KANK4: variants seen among roughly 807,000 people sequenced by gnomAD.
KANK4 encodes the protein KN motif and ankyrin repeat domain-containing protein 4.
Under a neutral mutation model 80.8 loss-of-function variants are expected in KANK4, and 50 were observed. That is an observed-to-expected ratio of 0.62 (90% CI 0.49 to 0.78). The LOEUF is 0.78. Among genes scored for constraint, KANK4 ranks in the 30% least tolerant of loss-of-function variants. The probability of loss-of-function intolerance (pLI) is 0.00; values close to 1 mark genes in which losing one functional copy is unlikely to be tolerated. For missense variants in KANK4, 1,196 were observed against 1,240.1 expected (o/e 0.96, Z 0.53); for synonymous variants, 465 against 506.9 (o/e 0.92, Z 1.11).
At chr1:62,311,712 A>G (rs1644499794) in intron 1 of KANK4, among the ~76,000 whole-genome samples, 1 of 152,188 alleles carries the variant, frequency 6.6e-6, no homozygotes, top group Non-Finnish European at 1.5e-5. Context: ...GGGATTAACC[A>G]AGCAATCAGC....
Position 62,236,567 on chromosome 1 carries a change from G to T in KANK4, c.*1710C>A, listed in dbSNP as rs1428961726. Among the ~76,000 whole-genome samples, 2 of 150,496 alleles carry T rather than the reference G, an allele frequency of 1.3e-5. No homozygotes were observed. Among genetic ancestry groups the T allele is most frequent in the Non-Finnish European group, 2.9e-5 (2 of 67,846 alleles). The stretch of plus-strand genomic sequence containing the variant: ...AGAAGTTTGCTGTACCATTGCTGTA[G>T]ATGGCCTTAATGGGTTACAAATTGG... On this transcript the variant is annotated 3_prime_UTR_variant, in exon 10 of 10. Transcript: ENST00000371153.
intron 2 of KANK4, among the ~76,000 whole-genome samples, chr1:62,276,639 T>G (rs1672321579): frequency 6.6e-6 from 1 of 152,042 alleles, no homozygotes; most frequent in Admixed American, 6.5e-5. Flanking sequence ...TAGCCGGGCA[T>G]GGTGGCAGGC....
intron 6 of KANK4, 172 bp from the exon 7 acceptor site, chr1:62,263,483 T>G: frequency 1.6e-6 from 1 of 637,374 alleles, no homozygotes; most frequent in Non-Finnish European, 2.7e-6. Context: ...GCAACATACT[T>G]TGTACTTGTG....
rs960230512 is a variant in KANK4, at chr1:62,237,399, G to A, written c.*878C>T. The A allele has an allele frequency of 6.6e-6, 1 of 152,202 alleles. No homozygotes were observed. Among genetic ancestry groups the A allele is most frequent in the Admixed American group, 6.5e-5 (1 of 15,284 alleles). 9.4% of individuals were successfully genotyped at this position (152,202 alleles called of 1,614,324 possible). On this transcript the variant is annotated 3_prime_UTR_variant, in exon 10 of 10. Transcript: ENST00000371153. Reference sequence around the variant, plus strand: ...ACCATGAGGTAATGGATACGGCTATGCAGGTGGCTTCTTGATGACAATAAC... The same window carrying A: ...ACCATGAGGTAATGGATACGGCTATACAGGTGGCTTCTTGATGACAATAAC...
At chr1:62,243,337 G>A (rs1466071283) in intron 9 of KANK4, among the ~76,000 whole-genome samples, 3 of 121,684 alleles carry the variant, frequency 2.5e-5, no homozygotes, top group East Asian at 4.0e-4. Context: ...TTTTGGACCA[G>A]ATAATTTTTT....
intron 7 of KANK4, among the ~76,000 whole-genome samples, chr1:62,259,155 T>C (rs1022462975): frequency 2.0e-5 from 3 of 152,136 alleles, no homozygotes; most frequent in Admixed American, 6.5e-5. Context: ...GGGAAAGCCG[T>C]TGGATCCTAA....
chr1:62,246,123 T>C (rs1410167943), intron 9 of KANK4, among the ~76,000 whole-genome samples: 2 of 152,162 alleles, frequency 1.3e-5, no homozygotes, highest in Admixed American at 1.3e-4. Context: ...AATGAGATGG[T>C]CCATGGCAAA....
Position 62,253,149 on chromosome 1 carries a change from A to G in KANK4, c.2600T>C (p.Leu867Ser), listed in dbSNP as rs749881567. The G allele has an allele frequency of 1.3e-5, 21 of 1,613,738 alleles. No individual in the cohort carries two copies. In the South Asian group the frequency reaches 2.2e-4, roughly 17 times the overall value. The change falls in exon 8 of 10, where the codon TTG becomes TCG. Residue 867 changes from leucine (L) to serine (S), a missense_variant. Physicochemically the swap from Leu to Ser is moderately radical, Grantham distance 145 (BLOSUM62 -2). This residue lies in a region of KANK4 where 1,154 missense variants were observed against 1,179.6 expected (regional missense o/e 0.98). Transcript: ENST00000371153. ...AGYTAVMITP[L>S]ASAETNEDMA... The stretch of plus-strand genomic sequence containing the variant: ...GTCTTCATTGGTCTCTGCGGAAGCC[A>G]AGGGAGTGATCATTACGGCAGTGTA...
rs201211050 is a variant in KANK4 at position 62,274,166 on chromosome 1, G to A, written c.938C>T (p.Pro313Leu). The change falls in exon 3 of 10, where the codon CCG (proline) becomes CTG (leucine). Residue 313 changes from proline (P) to leucine (L), a missense_variant. Coordinates refer to ENST00000371153, the MANE Select transcript of KANK4 (RefSeq NM_181712.5). The part of the protein sequence containing the change: ...IELNISEIPP[P>L]PPVEVDMRSI... ...TCTCATGTCCACCTCTACAGGTGGC[G>A]GGGGTGGAATCTCGCTGATGTTGAG... 3.5e-5 allele frequency: 57 copies of A among 1,614,194 alleles called. No homozygotes were observed. In the East Asian group the frequency reaches 9.6e-4, roughly 27 times the overall value.
At chr1:62,304,796 T>C (rs1410541965) in intron 1 of KANK4, among the ~76,000 whole-genome samples, 1 of 151,946 alleles carries the variant, frequency 6.6e-6, no homozygotes, top group Non-Finnish European at 1.5e-5. Context: ...CCGGCATGGC[T>C]TGTGAGCCAG....
rs933431108 is a variant in KANK4, at chr1:62,313,830, A to G, written c.-71+5276T>C. Among the ~76,000 whole-genome samples the G allele has an allele frequency of 5.9e-5, 9 of 152,128 alleles. 1 individual carries two copies. Among genetic ancestry groups the G allele is most frequent in the Admixed American group, 5.2e-4 (8 of 15,288 alleles). ...ATGTATACCTACGTAACAAACCTGC[A>G]CGTTCTGCACATGTATCCCCAAGCT... On this transcript the variant is annotated intron_variant, in intron 1 of 9. Coordinates refer to ENST00000371153, the MANE Select transcript of KANK4 (RefSeq NM_181712.5).
In KANK4 at chr1:62,237,745, T is replaced by G. The variant is rs1671239741; in HGVS notation, c.*532A>C. 1 of 152,602 alleles carries G rather than the reference T, an allele frequency of 6.6e-6. No homozygotes were observed. The highest frequency in any genetic ancestry group is 6.5e-5 in the Admixed American group (1 of 15,276). The allele number at this position is 152,602 out of a possible 1,614,324, so 9.5% of individuals were successfully genotyped here. On this transcript the variant is annotated 3_prime_UTR_variant, in exon 10 of 10. Coordinates refer to ENST00000371153, the MANE Select transcript of KANK4 (RefSeq NM_181712.5). ...AGCTCCCAAATGGTGCTTGTTCAGTTTCACCAGTCTGCACGGTGATTCTTC... is the reference window on the plus strand; with the variant it reads ...AGCTCCCAAATGGTGCTTGTTCAGTGTCACCAGTCTGCACGGTGATTCTTC...
At chr1:62,309,864 G>A (rs972733284) in intron 1 of KANK4, among the ~76,000 whole-genome samples, 10 of 152,162 alleles carry the variant, frequency 6.6e-5, no homozygotes, top group African/African-American at 9.7e-5. Flanking sequence ...GTTCAAAAGC[G>A]GGGAATTTCT....
intron 6 of KANK4, among the ~76,000 whole-genome samples, chr1:62,264,342 G>A (rs1162792004): frequency 2.0e-5 from 3 of 152,122 alleles, no homozygotes; most frequent in East Asian, 3.9e-4. Flanking sequence ...GCTTGAACCC[G>A]GGAGGTGGAG....
intron 1 of KANK4, chr1:62,298,211 C>A (rs1644383399): frequency 6.6e-6 from 1 of 152,180 alleles, no homozygotes; most frequent in African/African-American, 2.4e-5. Context: ...TGCTGATCGT[C>A]TCTGTATCAT....
Position 62,274,781 on chromosome 1 carries a change from T to C in KANK4, c.323A>G (p.Gln108Arg), listed in dbSNP as rs775016068. ...GGGGGCATTACCAAGCGGTGGTGACTGGTTTTGCTCCTGTGTCCCAAGTGA... is the reference window on the plus strand; with the variant it reads ...GGGGGCATTACCAAGCGGTGGTGACCGGTTTTGCTCCTGTGTCCCAAGTGA... Reference protein sequence around the residue: ...EASLGTQEQNQSPPLGNAPQA... With the variant: ...EASLGTQEQNRSPPLGNAPQA... Residue 108 changes from glutamine to arginine, a missense_variant, in exon 3 of 10, where the codon CAG (glutamine) becomes CGG (arginine). By Grantham distance (43) the Gln-to-Arg change is conservative. This residue lies in a region of KANK4 where 1,154 missense variants were observed against 1,179.6 expected (regional missense o/e 0.98). Transcript: ENST00000371153. 6.2e-7 allele frequency: 1 copy of C among 1,614,048 alleles called. No homozygotes were observed. Among genetic ancestry groups the C allele is most frequent in the East Asian group, 2.2e-5 (1 of 44,846 alleles).
chr1:62,273,497 T>G lies in KANK4; in HGVS notation c.1607A>C (p.Glu536Ala), dbSNP rs758125294. 3 of 1,613,784 alleles carry G rather than the reference T, an allele frequency of 1.9e-6. No homozygotes were observed. The highest frequency in any genetic ancestry group is 1.7e-6 in the Non-Finnish European group (2 of 1,179,868). The change falls in exon 3 of 10, where the codon GAG (glutamate) becomes GCG (alanine). Residue 536 changes from glutamate (E) to alanine (A), a missense_variant. This residue lies in a region of KANK4 where 1,154 missense variants were observed against 1,179.6 expected (regional missense o/e 0.98). Transcript: ENST00000371153. Reference sequence around the variant, plus strand: ...CCCTGGGAGATTGGAACTGGTCTCCTCCCTCCCTGCTGGGGGAGTCTTTCT... The same window carrying G: ...CCCTGGGAGATTGGAACTGGTCTCCGCCCTCCCTGCTGGGGGAGTCTTTCT... ...SDRKTPPAGR[E>A]ETSSNLPGKE...
rs1672229608 is a variant in KANK4, at chr1:62,273,757, T to C, written c.1347A>G (p.Gly449=). 8.1e-6 allele frequency: 13 copies of C among 1,614,066 alleles called. No homozygotes were observed. Among genetic ancestry groups the C allele is most frequent in the Non-Finnish European group, 1.1e-5 (13 of 1,180,006 alleles). The change falls in exon 3 of 10, where the codon GGA becomes GGG. Residue 449 remains glycine (G), a synonymous_variant. Transcript: ENST00000371153. ...SMESESWGHR[G]EENGLLWGPD... ...GCCCCCATAGGAGGCCATTCTCCTC[T>C]CCTCGGTGCCCCCAGCTTTCAGACT...
intron 1 of KANK4, among the ~76,000 whole-genome samples, chr1:62,304,229 A>G (rs1644434151): frequency 6.6e-6 from 1 of 152,038 alleles, no homozygotes; most frequent in South Asian, 2.1e-4. Flanking sequence ...ATTTGGGCTA[A>G]ATGAATGTTT....
Sources: gnomAD v4.1 joint callset for allele counts (sites outside exome capture counted in the v4.1 genomes callset) on GRCh38, gnomAD v4.1.1 for gene constraint, gnomAD v4.1.1 regional missense constraint, MANE v1.5 for transcripts, NCBI Gene and HGNC (gene_info 2026-07-23, HGNC 2026-07-21) for gene names.